The following CPNE1 variants were observed in gnomAD, a reference collection of about 807,000 sequenced individuals.
CPNE1 encodes copine-1.
CPNE1 carries 58 observed loss-of-function variants against 63.2 expected under a neutral mutation model. The ratio of observed to expected loss-of-function variants is 0.92; its 90% confidence interval spans 0.74 to 1.14. The LOEUF (loss-of-function observed/expected upper bound fraction) is 1.14. CPNE1 is among the 50% of genes most tolerant of loss of function. The pLI is 0.00. For synonymous variants in CPNE1, 237 were observed against 249.0 expected, an observed-to-expected ratio of 0.95 and a Z score of 0.45; for missense variants, 672 against 661.7, an observed-to-expected ratio of 1.02 and a Z score of -0.17.
chr20:35,654,378 T>C, intron 1 of CPNE1: 2 of 1,614,218 alleles, frequency 1.2e-6, no homozygotes, highest in South Asian at 2.2e-5. Context: ...CATTTTCCAT[T>C]GCAGAAAAGG....
chr20:35,652,553 A>C (rs1217356196), intron 1 of CPNE1: 15 of 1,611,208 alleles, frequency 9.3e-6, no homozygotes, highest in Admixed American at 3.4e-5. Flanking sequence ...ACTTTTCTTG[A>C]ACCTATAGGC....
chr20:35,643,754 A>T (rs537113948), intron 1 of CPNE1, among the ~76,000 whole-genome samples: 1 of 152,214 alleles, frequency 6.6e-6, no homozygotes, highest in Admixed American at 6.5e-5. Context: ...ACAACAAAGT[A>T]AGTTCAGGTC....
chr20:35,646,689 G>A (rs2033124711), intron 1 of CPNE1, among the ~76,000 whole-genome samples: 1 of 152,288 alleles, frequency 6.6e-6, no homozygotes, highest in Admixed American at 6.5e-5. Flanking sequence ...AACAGCAGCA[G>A]AATGGAGGTA....
At chr20:35,655,200 A>G in intron 1 of CPNE1, 1 of 1,614,098 alleles carries the variant, frequency 6.2e-7, no homozygotes, top group South Asian at 1.1e-5. Flanking sequence ...TGAAAGCCTC[A>G]CCCAGTTCAC....
rs1287744962 is a variant in CPNE1, at chr20:35,631,177, C to CA, written c.802-5dup. 1 of 1,613,960 alleles carries CA rather than the reference C, an allele frequency of 6.2e-7. No homozygotes were observed. The highest frequency in any genetic ancestry group is 1.1e-5 in the South Asian group (1 of 91,058). On this transcript the variant is annotated splice_polypyrimidine_tract_variant and splice_region_variant and intron_variant, in intron 9 of 15. Transcript: ENST00000397443. The stretch of plus-strand genomic sequence containing the variant: ...GAAAGGAGTACTCTGTTTCTACCTG[C>CA]AAATGAAACCAGGGTCATGCCTGGG...
At chr20:35,643,351 C>A (rs979455185) in intron 1 of CPNE1, 1 of 152,250 alleles carries the variant, frequency 6.6e-6, no homozygotes, top group African/African-American at 2.4e-5. Context: ...CCTGCTAGAA[C>A]CTGCAAACAG....
chr20:35,652,728 A>G, intron 1 of CPNE1: 2 of 1,614,100 alleles, frequency 1.2e-6, no homozygotes, highest in Non-Finnish European at 1.7e-6. Context: ...TAGACACAGT[A>G]AAGGGCATGT....
chr20:35,626,888 A>C, intron 14 of CPNE1, 85 bp from the exon 15 acceptor site: 3 of 1,122,218 alleles, frequency 2.7e-6, no homozygotes, highest in Non-Finnish European at 4.1e-6. Flanking sequence ...CCACACTCAT[A>C]AGAAGTCCCT....
At chr20:35,647,088 A>T (rs578164473) in intron 1 of CPNE1, among the ~76,000 whole-genome samples, 8 of 151,978 alleles carry the variant, frequency 5.3e-5, no homozygotes, top group Non-Finnish European at 1.2e-4. Context: ...AGGTGGGTGG[A>T]TCACCTGAGG....
rs1251498806 is a variant in CPNE1, at chr20:35,630,475, C to A, written c.1066G>T (p.Ala356Ser). Residue 356 changes from alanine (A) to serine (S), a missense_variant, in exon 13 of 16, where the codon GCC becomes TCC. By Grantham distance (99) the Ala-to-Ser change is moderately conservative. Transcript: ENST00000397443. ...GGGTTACTGGGGTTGAAATTCAAGG[C>A]AAATTCATGCGAGACCTGGAGACAA... is the stretch of plus-strand genomic sequence containing the variant. ...PPDWQVSHEFALNFNPSNPYC... is the reference protein window; with the variant it reads ...PPDWQVSHEFSLNFNPSNPYC... 6.2e-7 allele frequency: 1 copy of A among 1,614,166 alleles called. No homozygotes were observed. The highest frequency in any genetic ancestry group is 1.7e-5 in the Admixed American group (1 of 60,020).
intron 13 of CPNE1, 129 bp downstream of exon 13, chr20:35,630,310 C>T (rs147648009): frequency 1.3e-6 from 1 of 759,188 alleles, no homozygotes; most frequent in African/African-American, 1.8e-5. Context: ...ATAAATTAAA[C>T]TAAAATTAAA....
rs762739645 is a variant in CPNE1, at chr20:35,632,610, C to T, written c.216G>A (p.Gln72=). 3 of 1,594,306 alleles carry T rather than the reference C, an allele frequency of 1.9e-6. No homozygotes were observed. Among genetic ancestry groups the T allele is most frequent in the East Asian group, 2.2e-5 (1 of 44,768 alleles). The change falls in exon 3 of 16, where the codon CAG becomes CAA. Residue 72 remains glutamine, a synonymous_variant. Coordinates refer to ENST00000397443, the MANE Select transcript of CPNE1 (RefSeq NM_152925.3). ...TGTCATAGATTCCAAAGCGTAGCTT[C>T]TGGACTGTCTCAAAGCGGTACTCAA... is the stretch of plus-strand genomic sequence containing the variant. ...LQLEYRFETV[Q]KLRFGIYDID...
rs930575413 is a variant in CPNE1 at position 35,642,754 on chromosome 20, A to G, written c.1-9831T>C. On this transcript the variant is annotated intron_variant, in intron 1 of 15. Transcript: ENST00000397443. Reference sequence around the variant, plus strand: ...ATAAAACTACACATTCCTTATTCATACATATGACTAAGGGCTACTGAATGG... The same window carrying G: ...ATAAAACTACACATTCCTTATTCATGCATATGACTAAGGGCTACTGAATGG... Among the ~76,000 whole-genome samples, 3 of 152,238 alleles carry G rather than the reference A, an allele frequency of 2.0e-5. No homozygotes were observed. In the East Asian group the frequency reaches 5.8e-4, roughly 29 times the overall value.
chr20:35,648,219 G>C (rs911779034), intron 1 of CPNE1, among the ~76,000 whole-genome samples: 1 of 152,210 alleles, frequency 6.6e-6, no homozygotes, highest in East Asian at 1.9e-4. Context: ...AAGTCAAAAT[G>C]ATCAGATTCT....
In CPNE1 at chr20:35,632,838, A is replaced by G. The variant is rs2032258462; in HGVS notation, c.86T>C (p.Leu29Pro). 3 of 872,940 alleles carry G rather than the reference A, an allele frequency of 3.4e-6. No individual in the cohort carries two copies. The highest frequency in any genetic ancestry group is 6.0e-6 in the Non-Finnish European group (3 of 501,662). 54.1% of individuals were successfully genotyped at this position (872,940 alleles called of 1,614,324 possible). A position where few individuals can be genotyped will look rare whatever the true frequency, so the allele number is the denominator to read the frequency against. Residue 29 changes from leucine (L) to proline (P), a missense_variant, in exon 2 of 16, where the codon CTC (leucine) becomes CCC (proline). Coordinates refer to ENST00000397443, the MANE Select transcript of CPNE1 (RefSeq NM_152925.3). ...TCCCACATCCTGTAAAAGGACGCAG[A>G]GTGGGTCAGACTTGGAGCCGATGTC... Reference protein sequence around the residue: ...DKDIGSKSDPLCVLLQDVGGG... With the variant: ...DKDIGSKSDPPCVLLQDVGGG...
intron 1 of CPNE1, chr20:35,648,776 G>C (rs1477808492): frequency 6.6e-6 from 1 of 152,156 alleles, no homozygotes; most frequent in African/African-American, 2.4e-5. Context: ...TGACACTTCA[G>C]CATTAGCAGG....
intron 1 of CPNE1, among the ~76,000 whole-genome samples, chr20:35,663,062 TAAACAC>T (rs2034323234): frequency 6.6e-6 from 1 of 152,254 alleles, no homozygotes; most frequent in African/African-American, 2.4e-5. Context: ...TTGTTTTGTA[TAAACAC>T]GCCAAACATT....
chr20:35,650,652 AT>A (rs1474971095), intron 1 of CPNE1: 2 of 152,620 alleles, frequency 1.3e-5, no homozygotes, highest in Non-Finnish European at 2.9e-5. Flanking sequence ...GACCCACAAC[AT>A]AGTCACCTCT....
At position 35,646,252 on chromosome 20, in the gene CPNE1, CAAAAAAA is replaced by C. The variant is rs549372063; in HGVS notation, c.1-13336_1-13330del. ...CCTGGGCAGCAGAGCAAGACCATCTCAAAAAAAAAAAAAAAAAAAAAAAAAAGAAACA... is the reference window on the plus strand; with the variant it reads ...CCTGGGCAGCAGAGCAAGACCATCTCAAAAAAAAAAAAAAAAAAAGAAACA... On this transcript the variant is annotated intron_variant, in intron 1 of 15. Coordinates refer to ENST00000397443, the MANE Select transcript of CPNE1 (RefSeq NM_152925.3). Among the ~76,000 whole-genome samples, 519 of 58,324 alleles carry C rather than the reference CAAAAAAA, an allele frequency of 8.9e-3. 1 individual carries two copies. The highest frequency in any genetic ancestry group is 0.017 in the Middle Eastern group (2 of 118). The allele number at this position is 58,324 out of a possible 152,430, so 38.3% of individuals were successfully genotyped here.
Sources: gnomAD v4.1 joint callset for allele counts (sites outside exome capture counted in the v4.1 genomes callset) on GRCh38, gnomAD v4.1.1 for gene constraint, MANE v1.5 for transcripts, NCBI Gene and HGNC (gene_info 2026-07-23, HGNC 2026-07-21) for gene names.